The following RBFOX1 variants were observed in gnomAD, a reference collection of about 807,000 sequenced individuals.
RBFOX1 encodes the protein RNA binding protein fox-1 homolog 1.
A neutral mutation model predicts 57.7 loss-of-function variants in RBFOX1; 8 were observed. The ratio of observed to expected loss-of-function variants is 0.14; its 90% CI spans 0.08 to 0.25. The LOEUF (loss-of-function observed/expected upper bound fraction) is 0.25, where lower values mean the gene tolerates loss of function less well. Ranked by LOEUF, RBFOX1 falls within the 10% of genes least tolerant of loss-of-function variation. RBFOX1 has a pLI of 1.00. For missense variants in RBFOX1, 611 were observed against 548.5 expected, an observed-to-expected ratio of 1.11 and a Z score of -1.14; for synonymous variants, 326 against 222.4, an observed-to-expected ratio of 1.47 and a Z score of -4.15.
intron 2 of RBFOX1, among the ~76,000 whole-genome samples, chr16:6,561,321 A>T (rs576080562): frequency 6.6e-6 from 1 of 152,296 alleles, no homozygotes; most frequent in African/African-American, 2.4e-5. Context: ...ATTAATATGC[A>T]TGCATTCCGT....
At chr16:6,844,178 G>A (rs2093638913) in intron 3 of RBFOX1, among the ~76,000 whole-genome samples, 1 of 151,644 alleles carries the variant, frequency 6.6e-6, no homozygotes, top group African/African-American at 2.4e-5. Context: ...ATAGCTTCTG[G>A]AGGAATCTTC....
intron 4 of RBFOX1, among the ~76,000 whole-genome samples, chr16:7,229,548 G>C (rs866223304): frequency 2.0e-4 from 30 of 147,710 alleles, no homozygotes; most frequent in African/African-American, 6.8e-4. Flanking sequence ...GGGAAGGAGA[G>C]AGAGAGGAAG....
chr16:6,375,114 A>G (rs937672336), intron 2 of RBFOX1, among the ~76,000 whole-genome samples: 33 of 152,172 alleles, frequency 2.2e-4, no homozygotes, highest in African/African-American at 7.7e-4. Flanking sequence ...AGGGAGTATC[A>G]GAAATCATTT....
At chr16:7,025,005 G>T (rs910161663) in intron 3 of RBFOX1, among the ~76,000 whole-genome samples, 2 of 152,112 alleles carry the variant, frequency 1.3e-5, no homozygotes, top group Non-Finnish European at 2.9e-5. Flanking sequence ...TACAGGCAAG[G>T]GGCTGGATCC....
At chr16:7,674,914 T>C (rs749382724) in intron 13 of RBFOX1, among the ~76,000 whole-genome samples, 12 of 152,364 alleles carry the variant, frequency 7.9e-5, no homozygotes, top group African/African-American at 2.9e-4. Flanking sequence ...AAATAGGATG[T>C]TGCTAGACAT....
rs549969969 is a variant in RBFOX1 at position 6,935,292 on chromosome 16, T to G, written c.-15-116765T>G. The stretch of plus-strand genomic sequence containing the variant: ...ATGTAGCAGATGTTCAGAGTGGTAG[T>G]TTCAGACGATCTCTCCAAGTCTTTG... On this transcript the variant is annotated intron_variant, in intron 3 of 15. Transcript: ENST00000550418. Among the ~76,000 whole-genome samples, 11 of 152,204 alleles carry G rather than the reference T, an allele frequency of 7.2e-5. No homozygotes were observed. The East Asian group carries it at 9.7e-4, about 13-fold the overall frequency.
At chr16:7,209,863 C>G (rs2090768042) in intron 4 of RBFOX1, among the ~76,000 whole-genome samples, 1 of 152,146 alleles carries the variant, frequency 6.6e-6, no homozygotes, top group Non-Finnish European at 1.5e-5. Flanking sequence ...AAGTGGCACA[C>G]ACACTCTCAA....
intron 2 of RBFOX1, among the ~76,000 whole-genome samples, chr16:6,639,914 A>G (rs777206964): frequency 7.5e-4 from 114 of 152,070 alleles, no homozygotes; most frequent in Non-Finnish European, 1.4e-3. Context: ...CAAAAAAACA[A>G]GATTACAGTT....
intron 2 of RBFOX1, among the ~76,000 whole-genome samples, chr16:6,358,898 T>G (rs963510906): frequency 1.3e-5 from 2 of 152,182 alleles, no homozygotes; most frequent in Admixed American, 6.6e-5. Context: ...GAGGGACATA[T>G]TGAGTTCGAA....
intron 2 of RBFOX1, among the ~76,000 whole-genome samples, chr16:6,638,772 C>A (rs2098464159): frequency 6.6e-6 from 1 of 152,110 alleles, no homozygotes; most frequent in Non-Finnish European, 1.5e-5. Context: ...TAACTCCATG[C>A]TGGTTTGGTT....
intron 4 of RBFOX1, among the ~76,000 whole-genome samples, chr16:7,086,810 C>T (rs1169124909): frequency 6.6e-6 from 1 of 152,088 alleles, no homozygotes; most frequent in Non-Finnish European, 1.5e-5. Flanking sequence ...GCCACAGATT[C>T]ATGCTAGCAA....
intron 2 of RBFOX1, among the ~76,000 whole-genome samples, chr16:5,528,143 T>A (rs2151026927): frequency 6.6e-6 from 1 of 152,292 alleles, no homozygotes; most frequent in East Asian, 1.9e-4. Context: ...ACTGTCTATA[T>A]GCCCAGGGCT....
At chr16:7,071,469 T>C (rs2057320290) in intron 4 of RBFOX1, among the ~76,000 whole-genome samples, 1 of 152,016 alleles carries the variant, frequency 6.6e-6, no homozygotes, top group African/African-American at 2.4e-5. Flanking sequence ...ATTACATACA[T>C]ATTATATTTT....
At chr16:6,948,503 C>G (rs2080028956) in intron 3 of RBFOX1, among the ~76,000 whole-genome samples, 1 of 150,602 alleles carries the variant, frequency 6.6e-6, no homozygotes, top group Non-Finnish European at 1.5e-5. Context: ...CTGCCTCAGC[C>G]TCCCAAGTAG....
intron 1 of RBFOX1, among the ~76,000 whole-genome samples, chr16:5,285,576 C>G (rs539682427): frequency 1.2e-4 from 19 of 152,298 alleles, no homozygotes; most frequent in South Asian, 4.2e-4. Context: ...ATAACCGTCA[C>G]TTCTTCCAAT....
intron 2 of RBFOX1, among the ~76,000 whole-genome samples, chr16:6,556,974 C>T (rs2097106224): frequency 2.1e-5 from 3 of 146,212 alleles, no homozygotes; most frequent in Admixed American, 1.4e-4. Flanking sequence ...TATAAATATA[C>T]ACACATACGT....
chr16:6,282,239 C>T (rs1029134796), intron 1 of RBFOX1, among the ~76,000 whole-genome samples: 8 of 151,796 alleles, frequency 5.3e-5, no homozygotes, highest in Non-Finnish European at 8.8e-5. Flanking sequence ...ATGCTGTAAT[C>T]TTAAAGTGAA....
chr16:5,557,252 T>TC (rs1478324235), intron 2 of RBFOX1, among the ~76,000 whole-genome samples: 1 of 148,270 alleles, frequency 6.7e-6, no homozygotes, highest in Admixed American at 6.8e-5. Context: ...AGAGTGAGAC[T>TC]CCATCTCAAT....
intron 13 of RBFOX1, among the ~76,000 whole-genome samples, chr16:7,669,062 G>T (rs1204812770): frequency 6.6e-6 from 1 of 152,166 alleles, no homozygotes; most frequent in African/African-American, 2.4e-5. Flanking sequence ...TCGCCACCAT[G>T]CCCAGCTAAT....
Sources: allele counts gnomAD v4.1 joint callset (sites outside exome capture counted in the v4.1 genomes callset), GRCh38; gene constraint gnomAD v4.1.1; transcripts MANE v1.5; gene names NCBI Gene and HGNC (gene_info 2026-07-23, HGNC 2026-07-21).